TACC3: variants seen among roughly 807,000 people sequenced by gnomAD.
TACC3 encodes the protein transforming acidic coiled-coil-containing protein 3.
TACC3 carries 52 observed loss-of-function variants against 86.0 expected under a neutral mutation model. The observed-to-expected ratio is 0.60, with a 90% CI of 0.48 to 0.76. The LOEUF (loss-of-function observed/expected upper bound fraction) is 0.76, where lower values mean the gene tolerates loss of function less well. Ranked by LOEUF, TACC3 falls within the 30% of genes least tolerant of loss-of-function variation. TACC3 has a pLI of 0.00. For missense variants in TACC3, 1,120 were observed against 1,070.4 expected (o/e 1.05, Z -0.65); for synonymous variants, 512 against 430.0 (o/e 1.19, Z -2.36).
intron 4 of TACC3, 189 bp from the exon 5 acceptor site, chr4:1,730,698 G>C: frequency 1.4e-6 from 1 of 738,890 alleles, no homozygotes; most frequent in Non-Finnish European, 2.5e-6. Flanking sequence ...TTTCCTGCTG[G>C]GTGAGGTTGG....
intron 14 of TACC3, 30 bp from the exon 15 acceptor site, chr4:1,744,682 T>C (rs1481492164): frequency 6.2e-7 from 1 of 1,612,206 alleles, no homozygotes. Context: ...GGGCCCCAGC[T>C]CAGCCTCTGC....
chr4:1,740,689 T>A (rs1718549774), intron 12 of TACC3, 137 bp from the exon 13 acceptor site: 1 of 724,508 alleles, frequency 1.4e-6, no homozygotes, highest in Non-Finnish European at 2.4e-6. Flanking sequence ...GAGGGACCCA[T>A]CACCCTCCGA....
intron 3 of TACC3, among the ~76,000 whole-genome samples, chr4:1,726,323 C>G (rs753235496): frequency 6.6e-6 from 1 of 152,212 alleles, no homozygotes; most frequent in Non-Finnish European, 1.5e-5. Flanking sequence ...CACCTCAGCC[C>G]TGCCCTTCAG....
At position 1,728,482 on chromosome 4, in the gene TACC3, G is replaced by A. The variant is rs1313816896; in HGVS notation, c.1080G>A (p.Arg360=). Reference sequence around the variant, plus strand: ...CCCCACCAAGGAGACTGGGAGAGAGGTCCGGCCTCAAGCCTCCCTTGAGGA... The same window carrying A: ...CCCCACCAAGGAGACTGGGAGAGAGATCCGGCCTCAAGCCTCCCTTGAGGA... ...RAPPPRRLGE[R]SGLKPPLRKA... Residue 360 remains arginine, a synonymous_variant, in exon 4 of 16, where the codon AGG becomes AGA. Coordinates refer to ENST00000313288, the MANE Select transcript of TACC3 (RefSeq NM_006342.3). 1.2e-6 allele frequency: 2 copies of A among 1,613,944 alleles called. No homozygotes were observed. The highest frequency in any genetic ancestry group is 1.1e-5 in the South Asian group (1 of 91,076).
chr4:1,744,727 C>G lies in TACC3; in HGVS notation c.2346C>G (p.Ile782Met), dbSNP rs373593258. 1.2e-5 allele frequency: 20 copies of G among 1,612,474 alleles called. No individual in the cohort carries two copies. Among genetic ancestry groups the G allele is most frequent in the Non-Finnish European group, 1.6e-5 (19 of 1,179,972 alleles). The change falls in exon 15 of 16, where the codon ATC (isoleucine) becomes ATG (methionine). Residue 782 changes from isoleucine to methionine, a missense_variant. By Grantham distance (10) the Ile-to-Met change is conservative (BLOSUM62 1). Transcript: ENST00000313288. Reference sequence around the variant, plus strand: ...ACCCCTCCAGGGCAAACGAGGAGATCGCCCAGGTCCGGAGCAAGGCCCAGG... The same window carrying G: ...ACCCCTCCAGGGCAAACGAGGAGATGGCCCAGGTCCGGAGCAAGGCCCAGG... ...EEKLQLANEEIAQVRSKAQAE... is the reference protein window; with the variant it reads ...EEKLQLANEEMAQVRSKAQAE...
Position 1,728,426 on chromosome 4 carries a change from G to A in TACC3, c.1024G>A (p.Val342Ile), listed in dbSNP as rs1489041385. The change falls in exon 4 of 16, where the codon GTA becomes ATA. Residue 342 changes from valine (V) to isoleucine (I), a missense_variant. Coordinates refer to ENST00000313288, the MANE Select transcript of TACC3 (RefSeq NM_006342.3). ...RSGPVKLEFD[V>I]SDGATSKRAP... The stretch of plus-strand genomic sequence containing the variant: ...CGGACCTGTAAAACTAGAATTTGAT[G>A]TATCTGATGGCGCCACCAGCAAAAG... 1.2e-6 allele frequency: 2 copies of A among 1,613,536 alleles called. No individual in the cohort carries two copies. Among genetic ancestry groups the A allele is most frequent in the Non-Finnish European group, 1.7e-6 (2 of 1,180,050 alleles).
rs149652000 is a variant in TACC3, at chr4:1,740,796, A to G, written c.2063-30A>G. 660 of 1,593,586 alleles carry G rather than the reference A, an allele frequency of 4.1e-4. 1 individual carries two copies. In the African/African-American group the frequency reaches 8.0e-3, roughly 19 times the overall value. On this transcript the variant is annotated intron_variant, in intron 12 of 15. Coordinates refer to ENST00000313288, the MANE Select transcript of TACC3 (RefSeq NM_006342.3). Reference sequence around the variant, plus strand: ...CACCCATCGTTTCGGTTGCCTCCTCATCCTGAACGTTTGCTTTTCTTTTCT... The same window carrying G: ...CACCCATCGTTTCGGTTGCCTCCTCGTCCTGAACGTTTGCTTTTCTTTTCT...
chr4:1,744,728 G>T lies in TACC3; in HGVS notation c.2347G>T (p.Ala783Ser), dbSNP rs75311370. ...CCCCTCCAGGGCAAACGAGGAGATCGCCCAGGTCCGGAGCAAGGCCCAGGC... is the reference window on the plus strand; with the variant it reads ...CCCCTCCAGGGCAAACGAGGAGATCTCCCAGGTCCGGAGCAAGGCCCAGGC... ...EKLQLANEEI[A>S]QVRSKAQAEA... Residue 783 changes from alanine to serine, a missense_variant, in exon 15 of 16, where the codon GCC becomes TCC. Transcript: ENST00000313288. The T allele has an allele frequency of 6.2e-7, 1 of 1,612,532 alleles. No homozygotes were observed. The highest frequency in any genetic ancestry group is 1.1e-5 in the South Asian group (1 of 91,050).
intron 5 of TACC3, 87 bp from the exon 6 acceptor site, chr4:1,731,085 T>A (rs763821523): frequency 2.5e-4 from 406 of 1,596,808 alleles, no homozygotes; most frequent in Non-Finnish European, 3.2e-4. Context: ...CTCCCCCAAG[T>A]CTACTTCAAC....
chr4:1,725,886 G>A (rs984037048), intron 3 of TACC3, among the ~76,000 whole-genome samples: 3 of 152,262 alleles, frequency 2.0e-5, no homozygotes, highest in African/African-American at 4.8e-5. Context: ...AGGCAGTGCC[G>A]CCCCAAGGTG....
At chr4:1,738,308 T>A (rs1443293857) in intron 10 of TACC3, 4 of 229,818 alleles carry the variant, frequency 1.7e-5, no homozygotes, top group African/African-American at 9.1e-5. Flanking sequence ...CTGGCAGGGC[T>A]GGGTTCAAGC....
intron 3 of TACC3, among the ~76,000 whole-genome samples, chr4:1,725,386 T>C (rs1365037012): frequency 2.0e-5 from 3 of 152,216 alleles, no homozygotes; most frequent in Non-Finnish European, 2.9e-5. Flanking sequence ...GTCTCCCCTC[T>C]ACCCCTCCAG....
intron 10 of TACC3, chr4:1,738,003 C>G (rs940731781): frequency 1.7e-5 from 8 of 466,718 alleles, no homozygotes; most frequent in African/African-American, 1.6e-4. Context: ...GTGGTTCTTG[C>G]TGCCGTGAGC....
At chr4:1,744,472 C>G in intron 13 of TACC3, 46 bp from the exon 14 acceptor site, 1 of 1,572,782 alleles carries the variant, frequency 6.4e-7, no homozygotes, top group Non-Finnish European at 8.7e-7. Flanking sequence ...TGGGTGCTCT[C>G]CAGCAGACGG....
At position 1,735,916 on chromosome 4, in the gene TACC3, A is replaced by ACC; in HGVS notation, c.1748+82_1748+83insCC. On this transcript the variant is annotated intron_variant, in intron 8 of 15. Transcript: ENST00000313288. This position sits in a 1 kb window ranked among gnomAD's most constrained non-coding sequence, Gnocchi z 4.2. ...CTGTTCCTAGGTGTGCTGTCTGCAC[A>ACC]GAGGCTTCTAGACCGGGGGGAGATG... 2.0e-6 allele frequency: 2 copies of ACC among 986,162 alleles called. No homozygotes were observed. Among genetic ancestry groups the ACC allele is most frequent in the Non-Finnish European group, 1.5e-6 (1 of 657,054 alleles). 61.1% of individuals were successfully genotyped at this position (986,162 alleles called of 1,614,324 possible).
intron 5 of TACC3, 25 bp from the exon 6 acceptor site, chr4:1,731,147 A>T: frequency 6.2e-7 from 1 of 1,612,766 alleles, no homozygotes; most frequent in Non-Finnish European, 8.5e-7. Flanking sequence ...TGCACTGCAC[A>T]GGGTGACTCT....
intron 4 of TACC3, chr4:1,730,428 A>T (rs1198195203): frequency 7.1e-6 from 2 of 283,600 alleles, no homozygotes; most frequent in African/African-American, 4.4e-5. Context: ...TTCATATATA[A>T]TCATATCTAT....
Position 1,737,341 on chromosome 4 carries a change from G to A in TACC3, c.1836+13G>A. On this transcript the variant is annotated intron_variant, in intron 9 of 15. Transcript: ENST00000313288. ...ACTGGACATTCCTGTAAGTCCTTGA[G>A]TCCCTCTTGAACTGTCTTGTGTGTG... 6.2e-7 allele frequency: 1 copy of A among 1,612,090 alleles called. No individual in the cohort carries two copies. The highest frequency in any genetic ancestry group is 8.5e-7 in the Non-Finnish European group (1 of 1,178,198).
Position 1,744,621 on chromosome 4 carries a change from A to AGCTGTGAGTGCT in TACC3, c.2329_2330+10dup, listed in dbSNP as rs1252053305. 6.2e-7 allele frequency: 1 copy of AGCTGTGAGTGCT among 1,612,910 alleles called. No homozygotes were observed. The highest frequency in any genetic ancestry group is 2.2e-5 in the East Asian group (1 of 44,890). On this transcript the variant is annotated stop_gained and inframe_insertion, in exon 14 of 16. Transcript: ENST00000313288. LOFTEE classifies it high-confidence loss of function. The stretch of plus-strand genomic sequence containing the variant: ...AAGGCCCACGCGGAGGAGAAGCTGC[A>AGCTGTGAGTGCT]GCTGTGAGTGCTGGGCGAGGCCCCA...
Sources: allele counts gnomAD v4.1 joint callset (sites outside exome capture counted in the v4.1 genomes callset), GRCh38; gene constraint gnomAD v4.1.1; non-coding constraint Gnocchi (gnomAD v3.1); transcripts MANE v1.5; gene names NCBI Gene and HGNC (gene_info 2026-07-23, HGNC 2026-07-21).